TWIST2: variants seen among roughly 807,000 people sequenced by gnomAD.
TWIST2 encodes twist-related protein 2.
Under a neutral mutation model 11.6 loss-of-function variants are expected in TWIST2, and 1 was observed. The ratio of observed to expected loss-of-function variants is 0.09; its 90% confidence interval spans 0.03 to 0.41. The LOEUF (loss-of-function observed/expected upper bound fraction) is 0.41. Ranked by LOEUF, TWIST2 falls within the 10% of genes least tolerant of loss-of-function variation. The pLI is 0.98. For missense variants in TWIST2, 168 were observed against 226.4 expected (o/e 0.74, Z 1.66); for synonymous variants, 87 against 96.6 (o/e 0.90, Z 0.58).
At chr2:238,875,059 A>G (rs1692779179) in intron 1 of TWIST2, among the ~76,000 whole-genome samples, 1 of 152,156 alleles carries the variant, frequency 6.6e-6, no homozygotes, top group African/African-American at 2.4e-5. Context: ...CACAGCTGGA[A>G]GGATTTATTT....
At chr2:238,907,808 C>T (rs999329378) in intron 1 of TWIST2, among the ~76,000 whole-genome samples, 4,036 of 149,574 alleles carry the variant, frequency 0.027, 186 homozygotes, top group African/African-American at 0.094. Flanking sequence ...ACACACACCA[C>T]GCGCCACACA....
intron 1 of TWIST2, among the ~76,000 whole-genome samples, chr2:238,853,118 CCAATTATAATAG>C (rs1692269969): frequency 6.6e-6 from 1 of 151,788 alleles, no homozygotes; most frequent in Non-Finnish European, 1.5e-5. Context: ...AGGTGAAATA[CCAATTATAATAG>C]CAATACATTT....
chr2:238,853,147 A>T (rs768621604), intron 1 of TWIST2, among the ~76,000 whole-genome samples: 11 of 152,208 alleles, frequency 7.2e-5, no homozygotes, highest in Non-Finnish European at 1.3e-4. Flanking sequence ...ATTTATTCCT[A>T]TACTAATAAA....
At chr2:238,886,976 G>A (rs1478855788) in intron 1 of TWIST2, 4 of 152,150 alleles carry the variant, frequency 2.6e-5, no homozygotes, top group African/African-American at 4.8e-5. Context: ...GGGGAAAGGC[G>A]AATCCACTCA....
At chr2:238,850,097 G>T (rs972272180) in intron 1 of TWIST2, among the ~76,000 whole-genome samples, 1 of 152,190 alleles carries the variant, frequency 6.6e-6, no homozygotes, top group East Asian at 1.9e-4. Context: ...ATCCAGCACA[G>T]GTGGGTTTTA....
At chr2:238,860,939 A>G (rs949335539) in intron 1 of TWIST2, among the ~76,000 whole-genome samples, 4 of 149,676 alleles carry the variant, frequency 2.7e-5, no homozygotes, top group Non-Finnish European at 4.4e-5. Context: ...CTCCACCTCA[A>G]AACAAACAAA....
rs770110042 is a variant in TWIST2 at position 238,848,245 on chromosome 2, C to A, written c.30C>A (p.Ser10=). 1 of 1,497,408 alleles carries A rather than the reference C, an allele frequency of 6.7e-7. No individual in the cohort carries two copies. The highest frequency in any genetic ancestry group is 1.4e-5 in the African/African-American group (1 of 71,208). 92.8% of individuals were successfully genotyped at this position (1,497,408 alleles called of 1,614,324 possible). Residue 10 remains serine, a synonymous_variant, in exon 1 of 2, where the codon TCC becomes TCA. Coordinates refer to ENST00000612363, the MANE Select transcript of TWIST2 (RefSeq NM_001271893.4). ...AGGAGGGCTCCAGCTCGCCCGTGTCCCCCGTGGACAGCCTGGGCACCAGCG... is the reference window on the plus strand; with the variant it reads ...AGGAGGGCTCCAGCTCGCCCGTGTCACCCGTGGACAGCCTGGGCACCAGCG... The part of the protein sequence containing the change: MEEGSSSPV[S]PVDSLGTSEE...
chr2:238,858,049 C>G (rs148526972), intron 1 of TWIST2, among the ~76,000 whole-genome samples: 42,893 of 152,006 alleles, frequency 0.28, 6,443 homozygotes, highest in South Asian at 0.37. Context: ...TTCTCTGTAC[C>G]AGGCTCTTGG....
chr2:238,848,350 G>C lies in TWIST2; in HGVS notation c.135G>C (p.Pro45=). Residue 45 remains proline, a synonymous_variant, in exon 1 of 2, where the codon CCG becomes CCC. Coordinates refer to ENST00000612363, the MANE Select transcript of TWIST2 (RefSeq NM_001271893.4). Reference sequence around the variant, plus strand: ...AGAAGTCGAGCGAAGATGGCAGCCCGACCCCGGGCAAGCGCGGCAAGAAGG... The same window carrying C: ...AGAAGTCGAGCGAAGATGGCAGCCCCACCCCGGGCAAGCGCGGCAAGAAGG... ...YSKKSSEDGS[P]TPGKRGKKGS... is the part of the protein sequence containing the mutation. 6.5e-7 allele frequency: 1 copy of C among 1,534,696 alleles called. No individual in the cohort carries two copies. Among genetic ancestry groups the C allele is most frequent in the Non-Finnish European group, 8.7e-7 (1 of 1,146,030 alleles).
At chr2:238,878,770 T>G (rs1157102218) in intron 1 of TWIST2, among the ~76,000 whole-genome samples, 1 of 124,232 alleles carries the variant, frequency 8.0e-6, no homozygotes, top group Non-Finnish European at 1.9e-5. Flanking sequence ...TGGGGACAAA[T>G]TGAGTGGAGA....
chr2:238,856,622 C>T (rs1282801596), intron 1 of TWIST2, among the ~76,000 whole-genome samples: 1 of 152,028 alleles, frequency 6.6e-6, no homozygotes, highest in East Asian at 1.9e-4. Context: ...GGGATCAGGG[C>T]TACGGAAGGG....
intron 1 of TWIST2, among the ~76,000 whole-genome samples, chr2:238,871,931 T>C (rs1395123589): frequency 1.3e-5 from 2 of 152,192 alleles, no homozygotes; most frequent in East Asian, 1.9e-4. Context: ...GGACAGAGTC[T>C]CAGTCTGAGA....
rs1196437839 is a variant in TWIST2, at chr2:238,867,490, A to T, written c.*35+18757A>T. Among the ~76,000 whole-genome samples, 1 of 151,862 alleles carries T rather than the reference A, an allele frequency of 6.6e-6. No individual in the cohort carries two copies. Among genetic ancestry groups the T allele is most frequent in the Non-Finnish European group, 1.5e-5 (1 of 67,982 alleles). On this transcript the variant is annotated intron_variant, in intron 1 of 1. Transcript: ENST00000612363. This position sits in a 1 kb window ranked among gnomAD's most constrained non-coding sequence, Gnocchi z 4.8. Reference sequence around the variant, plus strand: ...CAGGGGCACAATAAAGAGAAGTCCCAGCCAGCTCCCGGGGTGGTGTGGGCT... The same window carrying T: ...CAGGGGCACAATAAAGAGAAGTCCCTGCCAGCTCCCGGGGTGGTGTGGGCT...
intron 1 of TWIST2, among the ~76,000 whole-genome samples, chr2:238,891,614 C>T (rs1398626831): frequency 2.0e-5 from 3 of 152,100 alleles, no homozygotes; most frequent in Non-Finnish European, 4.4e-5. Context: ...GACGGTTTCC[C>T]CCAGGAGGAG....
chr2:238,868,265 T>C (rs1045371893), intron 1 of TWIST2, among the ~76,000 whole-genome samples: 1 of 152,104 alleles, frequency 6.6e-6, no homozygotes, highest in African/African-American at 2.4e-5. Flanking sequence ...CTCTCTGGGG[T>C]GCAGACAAGC....
Position 238,866,509 on chromosome 2 carries a change from T to C in TWIST2, c.*35+17776T>C, listed in dbSNP as rs1342836756. 3.9e-5 allele frequency among the ~76,000 whole-genome samples: 6 copies of C among 152,032 alleles called. No homozygotes were observed. The highest frequency in any genetic ancestry group is 8.8e-5 in the Non-Finnish European group (6 of 67,986). ...CCGTCTCTGCCAAAAATAGAAAAATTAGCTGGGCATGGTGGTGTGTGCCTG... is the reference window on the plus strand; with the variant it reads ...CCGTCTCTGCCAAAAATAGAAAAATCAGCTGGGCATGGTGGTGTGTGCCTG... On this transcript the variant is annotated intron_variant, in intron 1 of 1. Transcript: ENST00000612363. The surrounding 1 kb of genome is among the most constrained non-coding windows in gnomAD (Gnocchi z 4.9).
intron 1 of TWIST2, among the ~76,000 whole-genome samples, chr2:238,906,321 G>A (rs888766427): frequency 6.7e-6 from 1 of 150,088 alleles, no homozygotes; most frequent in Non-Finnish European, 1.5e-5. Flanking sequence ...CACTCAGGAG[G>A]ATGTACATGC....
intron 1 of TWIST2, among the ~76,000 whole-genome samples, chr2:238,868,237 T>G (rs1692578762): frequency 6.6e-6 from 1 of 152,110 alleles, no homozygotes; most frequent in African/African-American, 2.4e-5. Context: ...AGACATCGTC[T>G]AGTACAGCCC....
intron 1 of TWIST2, among the ~76,000 whole-genome samples, chr2:238,883,416 C>T (rs954648565): frequency 1.1e-4 from 17 of 152,118 alleles, no homozygotes; most frequent in African/African-American, 3.6e-4. Context: ...TGTAGCTGGT[C>T]GTCTCTGAGG....
Sources: allele counts gnomAD v4.1 joint callset (sites outside exome capture counted in the v4.1 genomes callset), GRCh38; gene constraint gnomAD v4.1.1; non-coding constraint Gnocchi (gnomAD v3.1); transcripts MANE v1.5; gene names NCBI Gene and HGNC (gene_info 2026-07-23, HGNC 2026-07-21).